Variants in DPY19L2 observed in about 807,000 individuals in gnomAD.
DPY19L2 encodes the protein dpy-19 like 2, also known as probable C-mannosyltransferase DPY19L2.
Under a neutral mutation model 97.9 loss-of-function variants are expected in DPY19L2, and 34 were observed. The ratio of observed to expected loss-of-function variants is 0.35; its 90% confidence interval spans 0.26 to 0.46. The LOEUF is 0.46. Among genes scored for constraint, DPY19L2 ranks in the 20% least tolerant of loss-of-function variants. DPY19L2 has a pLI of 1.00. For synonymous variants in DPY19L2, 230 were observed against 307.9 expected, an observed-to-expected ratio of 0.75 and a Z score of 2.65; for missense variants, 623 against 911.4, an observed-to-expected ratio of 0.68 and a Z score of 4.07.
intron 19 of DPY19L2, among the ~76,000 whole-genome samples, chr12:63,579,519 AG>A (rs571090035): frequency 2.0e-5 from 3 of 152,212 alleles, no homozygotes; most frequent in Non-Finnish European, 4.4e-5. Flanking sequence ...CAGTTATCTT[AG>A]AAGGATAAGT....
rs1005806694 is a variant in DPY19L2 at position 63,563,766 on chromosome 12, G to A, written c.2127-3104C>T. Among the ~76,000 whole-genome samples, 9 of 152,192 alleles carry A rather than the reference G, an allele frequency of 5.9e-5. No individual in the cohort carries two copies. The East Asian group carries it at 9.6e-4, about 16-fold the overall frequency. On this transcript the variant is annotated intron_variant, in intron 21 of 21. Coordinates refer to ENST00000324472, the MANE Select transcript of DPY19L2 (RefSeq NM_173812.5). The stretch of plus-strand genomic sequence containing the variant: ...CTCATGTTGGTATCAGGATAATGCT[G>A]ACCTCACAGAACCAGTTGGGAAGTA...
chr12:63,600,713 G>A (rs1193459381), intron 12 of DPY19L2, among the ~76,000 whole-genome samples: 3 of 150,986 alleles, frequency 2.0e-5, no homozygotes, highest in Admixed American at 2.0e-4. Context: ...AGAGGAAGGG[G>A]GGATTTGAAC....
At chr12:63,633,861 C>A (rs1565809528) in intron 6 of DPY19L2, among the ~76,000 whole-genome samples, 1 of 152,122 alleles carries the variant, frequency 6.6e-6, no homozygotes, top group Non-Finnish European at 1.5e-5. Flanking sequence ...GGCACATATA[C>A]ACCATGGAAT....
chr12:63,631,953 A>G (rs151204779), intron 6 of DPY19L2, among the ~76,000 whole-genome samples: 2,481 of 152,248 alleles, frequency 0.016, 74 homozygotes, highest in African/African-American at 0.056. Flanking sequence ...AACAGAACCA[A>G]CGTCAAAAAC....
Position 63,594,089 on chromosome 12 carries a change from T to G in DPY19L2, c.1578A>C (p.Leu526=), listed in dbSNP as rs770354105. 1.3e-6 allele frequency: 2 copies of G among 1,517,548 alleles called. No homozygotes were observed. Among genetic ancestry groups the G allele is most frequent in the Non-Finnish European group, 1.8e-6 (2 of 1,109,042 alleles). The allele number at this position is 1,517,548 out of a possible 1,614,324, so 94.0% of individuals were successfully genotyped here. Residue 526 remains leucine (L), a splice_region_variant and synonymous_variant, in exon 16 of 22, where the codon CTA becomes CTC. Coordinates refer to ENST00000324472, the MANE Select transcript of DPY19L2 (RefSeq NM_173812.5). ...AAAAACAATGATGATATAATTACCT[T>G]AGATAAATGTTTGTAGCTAAAACAT... ...ISYVLATNIY[L]RKQLLEHSEL...
intron 4 of DPY19L2, among the ~76,000 whole-genome samples, chr12:63,657,455 A>G (rs1321656461): frequency 6.6e-6 from 1 of 152,176 alleles, no homozygotes; most frequent in Admixed American, 6.5e-5. Context: ...TGATATTCCA[A>G]TTAAGCCTCA....
At chr12:63,586,143 A>G (rs1311013601) in intron 16 of DPY19L2, among the ~76,000 whole-genome samples, 2 of 152,220 alleles carry the variant, frequency 1.3e-5, no homozygotes, top group African/African-American at 4.8e-5. Context: ...TTCCAGAGAG[A>G]AAAACTGTAT....
intron 7 of DPY19L2, among the ~76,000 whole-genome samples, chr12:63,626,172 A>T (rs1254795428): frequency 6.6e-6 from 1 of 151,442 alleles, no homozygotes; most frequent in African/African-American, 2.4e-5. Flanking sequence ...AGTGGGAATA[A>T]ATCAGATAAT....
intron 21 of DPY19L2, among the ~76,000 whole-genome samples, chr12:63,564,006 T>C (rs560453678): frequency 2.0e-5 from 3 of 152,292 alleles, no homozygotes; most frequent in African/African-American, 7.2e-5. Flanking sequence ...TTGTCCATTT[T>C]ATCTATTTTG....
intron 12 of DPY19L2, among the ~76,000 whole-genome samples, chr12:63,601,399 G>A: frequency 6.6e-6 from 1 of 152,142 alleles, no homozygotes; most frequent in East Asian, 1.9e-4. Flanking sequence ...TGTACTTCTG[G>A]TTAGCCTGGG....
Position 63,636,475 on chromosome 12 carries a change from A to G in DPY19L2, c.803+7928T>C, listed in dbSNP as rs113756017. On this transcript the variant is annotated intron_variant, in intron 6 of 21. Transcript: ENST00000324472. ...GCTAAATGCTCCAATTAAAAGACAC[A>G]GACTGGCAAATTGGATCAAGATCAA... 9.9e-3 allele frequency among the ~76,000 whole-genome samples: 1,512 copies of G among 152,294 alleles called. 19 individuals are homozygous for G. Among genetic ancestry groups the G allele is most frequent in the African/African-American group, 0.034 (1,417 of 41,540 alleles).
At position 63,650,006 on chromosome 12, in the gene DPY19L2, G is replaced by C. The variant is rs1026048669; in HGVS notation, c.589-2641C>G. Among the ~76,000 whole-genome samples the C allele has an allele frequency of 5.1e-3, 776 of 151,958 alleles. 8 individuals are homozygous for C. Among genetic ancestry groups the C allele is most frequent in the Non-Finnish European group, 8.3e-3 (562 of 67,926 alleles). On this transcript the variant is annotated intron_variant, in intron 4 of 21. Transcript: ENST00000324472. The stretch of plus-strand genomic sequence containing the variant: ...GTAGGCTTTATTCCTAGGATGCAAG[G>C]GTGGTTCAACACAGGCAAATCAATA...
chr12:63,648,049 C>A (rs1476278797), intron 4 of DPY19L2, among the ~76,000 whole-genome samples: 2 of 152,126 alleles, frequency 1.3e-5, no homozygotes, highest in East Asian at 1.9e-4. Flanking sequence ...CATGAAGACT[C>A]CCCCCTCATG....
chr12:63,594,279 A>G, intron 15 of DPY19L2, 146 bp from the exon 16 acceptor site: 1 of 558,900 alleles, frequency 1.8e-6, no homozygotes. Flanking sequence ...CGGTCATACT[A>G]TAGATGCCTT....
intron 4 of DPY19L2, chr12:63,651,645 C>A: frequency 2.5e-6 from 1 of 403,044 alleles, no homozygotes; most frequent in Non-Finnish European, 5.0e-6. Flanking sequence ...AATCTCCGGC[C>A]CTACAGAGAC....
intron 16 of DPY19L2, among the ~76,000 whole-genome samples, chr12:63,592,836 A>G (rs546796891): frequency 6.6e-6 from 1 of 152,264 alleles, no homozygotes; most frequent in African/African-American, 2.4e-5. Flanking sequence ...AGAAACTACC[A>G]TCAGAGTCAA....
chr12:63,588,364 T>C (rs1210692770), intron 16 of DPY19L2, among the ~76,000 whole-genome samples: 3 of 152,180 alleles, frequency 2.0e-5, no homozygotes, highest in African/African-American at 7.2e-5. Flanking sequence ...CAACAAAGCC[T>C]GGATGACAGC....
intron 9 of DPY19L2, among the ~76,000 whole-genome samples, chr12:63,618,634 G>C (rs934209785): frequency 2.0e-4 from 31 of 152,160 alleles, no homozygotes; most frequent in African/African-American, 7.0e-4. Context: ...GCACCAAGAA[G>C]GGTGCTTTAG....
At chr12:63,610,841 CAAAAAAAAAAAAAAA>C (rs56044043) in intron 11 of DPY19L2, among the ~76,000 whole-genome samples, 26 of 10,774 alleles carry the variant, frequency 2.4e-3, no homozygotes, top group East Asian at 4.0e-3. Context: ...ATGAATATAG[CAAAAAAAAAAAAAAA>C]AAAAAAAAAA....
Sources: allele counts gnomAD v4.1 joint callset (sites outside exome capture counted in the v4.1 genomes callset), GRCh38; gene constraint gnomAD v4.1.1; transcripts MANE v1.5; gene names NCBI Gene and HGNC (gene_info 2026-07-23, HGNC 2026-07-21).